The following UIMC1 variants were observed in gnomAD, a reference collection of about 807,000 sequenced individuals.
The protein encoded by UIMC1 is BRCA1-A complex subunit RAP80.
Under a neutral mutation model 84.9 loss-of-function variants are expected in UIMC1, and 42 were observed. The ratio of observed to expected loss-of-function variants is 0.49; its 90% CI spans 0.39 to 0.64. The LOEUF (loss-of-function observed/expected upper bound fraction) is 0.64. Ranked by LOEUF, UIMC1 falls within the 30% of genes least tolerant of loss-of-function variation. The probability of loss-of-function intolerance (pLI) is 0.00; values close to 1 mark genes in which losing one functional copy is unlikely to be tolerated. For synonymous variants in UIMC1, 281 were observed against 293.0 expected (o/e 0.96, Z 0.42); for missense variants, 825 against 847.6 (o/e 0.97, Z 0.33).
intron 1 of UIMC1, among the ~76,000 whole-genome samples, chr5:177,001,735 C>T (rs994746020): frequency 2.0e-5 from 3 of 148,694 alleles, no homozygotes; most frequent in Non-Finnish European, 4.5e-5. Context: ...GTCAGGAGAT[C>T]GAGACCATCC....
At chr5:176,981,089 T>C (rs1337077829) in intron 2 of UIMC1, among the ~76,000 whole-genome samples, 4 of 152,038 alleles carry the variant, frequency 2.6e-5, no homozygotes, top group Non-Finnish European at 4.4e-5. Context: ...AAATGAACTA[T>C]GTAGATAAAA....
intron 10 of UIMC1, among the ~76,000 whole-genome samples, chr5:176,932,453 A>T (rs746058966): frequency 2.0e-4 from 31 of 152,200 alleles, no homozygotes; most frequent in Non-Finnish European, 2.9e-4. Context: ...ATGTTAGATG[A>T]CGTTTATGAT....
intron 10 of UIMC1, among the ~76,000 whole-genome samples, chr5:176,939,105 A>G (rs906632619): frequency 6.6e-6 from 1 of 151,810 alleles, no homozygotes; most frequent in South Asian, 2.1e-4. Context: ...AAAATATAAA[A>G]AACTAGCCAG....
At chr5:176,979,641 G>A (rs1275647067) in intron 2 of UIMC1, among the ~76,000 whole-genome samples, 1 of 152,020 alleles carries the variant, frequency 6.6e-6, no homozygotes, top group Non-Finnish European at 1.5e-5. Flanking sequence ...ATGCAATTGG[G>A]AAGGGACACA....
intron 10 of UIMC1, among the ~76,000 whole-genome samples, chr5:176,918,278 G>A (rs1345406891): frequency 6.6e-6 from 1 of 152,194 alleles, no homozygotes; most frequent in East Asian, 1.9e-4. Context: ...TGAAGTTGCA[G>A]TTTTTGTAAC....
At chr5:176,954,387 T>C (rs780640374) in intron 8 of UIMC1, among the ~76,000 whole-genome samples, 8 of 152,010 alleles carry the variant, frequency 5.3e-5, no homozygotes, top group African/African-American at 9.7e-5. Context: ...TTAGTGGGTA[T>C]TGTTAGGCAG....
intron 10 of UIMC1, among the ~76,000 whole-genome samples, chr5:176,939,859 G>A (rs367656651): frequency 2.6e-5 from 4 of 152,104 alleles, no homozygotes; most frequent in South Asian, 2.1e-4. Flanking sequence ...TGGGGTATTC[G>A]CATCAAAGCT....
chr5:176,922,198 T>C (rs971536108), intron 10 of UIMC1, among the ~76,000 whole-genome samples: 1 of 152,212 alleles, frequency 6.6e-6, no homozygotes, highest in African/African-American at 2.4e-5. Flanking sequence ...CACAAAAAGG[T>C]AAGCTTTATA....
intron 1 of UIMC1, among the ~76,000 whole-genome samples, chr5:177,011,860 G>A (rs1163510681): frequency 3.3e-5 from 5 of 151,806 alleles, no homozygotes; most frequent in Admixed American, 3.3e-4. Flanking sequence ...GAGTGCAGTG[G>A]CACAATCTCA....
chr5:176,977,241 A>AAAAAAAG (rs758737146), intron 2 of UIMC1, among the ~76,000 whole-genome samples: 3 of 147,172 alleles, frequency 2.0e-5, no homozygotes, highest in South Asian at 2.1e-4. Flanking sequence ...AAAAAAAAAA[A>AAAAAAAG]GAGAGAGAGA....
intron 1 of UIMC1, chr5:177,006,358 T>TCCGGAATCCGCC (rs1229870733): frequency 6.6e-6 from 1 of 152,130 alleles, no homozygotes; most frequent in Admixed American, 6.6e-5. Flanking sequence ...GGTCCCGGCG[T>TCCGGAATCCGCC]CCGGAATCCG....
intron 2 of UIMC1, chr5:176,980,065 G>C (rs1429719068): frequency 6.6e-6 from 1 of 152,158 alleles, no homozygotes; most frequent in Non-Finnish European, 1.5e-5. Flanking sequence ...TTGGACATCA[G>C]AATTCCAGGC....
rs186147680 is a variant in UIMC1, at chr5:176,991,076, C to A, written c.-8-8453G>T. Among the ~76,000 whole-genome samples the A allele has an allele frequency of 9.1e-3, 1,387 of 152,052 alleles. 8 individuals are homozygous for A. The highest frequency in any genetic ancestry group is 0.025 in the South Asian group (121 of 4,814). ...AGGCCAGACTGCAGTGGCACTATCT[C>A]GGCTCACTGCAAGCTCTGCCTCCCA... On this transcript the variant is annotated intron_variant, in intron 1 of 14. Transcript: ENST00000511320.
chr5:176,983,442 C>T (rs1771362124), intron 1 of UIMC1, among the ~76,000 whole-genome samples: 1 of 152,268 alleles, frequency 6.6e-6, no homozygotes, highest in Non-Finnish European at 1.5e-5. Context: ...GCCATGTTGA[C>T]CGGGCTGGTC....
At position 176,905,494 on chromosome 5, in the gene UIMC1, T is replaced by G. The variant is rs1759237091; in HGVS notation, c.1950-2A>C. 1 of 1,612,768 alleles carries G rather than the reference T, an allele frequency of 6.2e-7. No individual in the cohort carries two copies. The highest frequency in any genetic ancestry group is 8.5e-7 in the Non-Finnish European group (1 of 1,179,650). The stretch of plus-strand genomic sequence containing the variant: ...TCTTCCATCCCTGGTGAAGGCACCC[T>G]AGAGAGAAGGAAAAAAATTCAGATT... On this transcript the variant is annotated splice_acceptor_variant, in intron 14 of 14. Coordinates refer to ENST00000511320, the MANE Select transcript of UIMC1 (RefSeq NM_001199298.2). LOFTEE classifies it high-confidence loss of function.
chr5:176,979,204 T>C (rs1770621755), intron 2 of UIMC1, among the ~76,000 whole-genome samples: 1 of 152,216 alleles, frequency 6.6e-6, no homozygotes, highest in Non-Finnish European at 1.5e-5. Context: ...TTGGTAGATA[T>C]GTCTAATCAC....
rs750377962 is a variant in UIMC1 at position 176,907,065 on chromosome 5, C to A, written c.1912+49G>T. Reference sequence around the variant, plus strand: ...AGGGGGCTGGCAATGGCTATCTTCACTGAAAGGCCTTAGGCAGAAGCCCAG... The same window carrying A: ...AGGGGGCTGGCAATGGCTATCTTCAATGAAAGGCCTTAGGCAGAAGCCCAG... On this transcript the variant is annotated intron_variant, in intron 13 of 14. Transcript: ENST00000511320. The A allele has an allele frequency of 3.1e-6, 5 of 1,591,178 alleles. No individual in the cohort carries two copies. The South Asian group carries it at 4.5e-5, about 14-fold the overall frequency.
chr5:177,001,617 C>T (rs1374700519), intron 1 of UIMC1: 1 of 151,906 alleles, frequency 6.6e-6, no homozygotes, highest in East Asian at 1.9e-4. Context: ...GGCATGGGCC[C>T]CAGAACAGTT....
chr5:177,000,123 A>G (rs1000543514), intron 1 of UIMC1, among the ~76,000 whole-genome samples: 4 of 151,992 alleles, frequency 2.6e-5, no homozygotes, highest in Non-Finnish European at 1.5e-5. Context: ...ACACCTGGCT[A>G]ATTTTTTTAC....
Sources: gnomAD v4.1 joint callset for allele counts (sites outside exome capture counted in the v4.1 genomes callset) on GRCh38, gnomAD v4.1.1 for gene constraint, MANE v1.5 for transcripts, NCBI Gene and HGNC (gene_info 2026-07-23, HGNC 2026-07-21) for gene names.